The following PTPN14 variants were observed in gnomAD, a reference collection of about 807,000 sequenced individuals.
The protein encoded by PTPN14 is tyrosine-protein phosphatase non-receptor type 14.
In PTPN14, 53 loss-of-function variants were observed where a neutral mutation model predicts 126.8. The ratio of observed to expected loss-of-function variants is 0.42; its 90% CI spans 0.34 to 0.53. The LOEUF (loss-of-function observed/expected upper bound fraction) is 0.53. Among genes scored for constraint, PTPN14 ranks in the 20% least tolerant of loss-of-function variants. PTPN14 has a pLI of 0.08. For missense variants in PTPN14, 1,257 were observed against 1,552.9 expected (o/e 0.81, Z 3.20); for synonymous variants, 630 against 599.3 (o/e 1.05, Z -0.75).
intron 5 of PTPN14, among the ~76,000 whole-genome samples, chr1:214,410,241 C>T (rs1659271623): frequency 6.6e-6 from 1 of 151,662 alleles, no homozygotes. Context: ...TAGCTTTTCC[C>T]CCATGTTTTC....
chr1:214,379,236 C>G (rs537031577), intron 13 of PTPN14, among the ~76,000 whole-genome samples: 95 of 152,250 alleles, frequency 6.2e-4, no homozygotes, highest in African/African-American at 2.1e-3. Flanking sequence ...AGATGAAGAG[C>G]CATTGAATCC....
intron 1 of PTPN14, chr1:214,532,262 G>A: frequency 2.3e-6 from 1 of 438,492 alleles, no homozygotes; most frequent in East Asian, 4.8e-5. Flanking sequence ...CAGCCGCCCA[G>A]CTGGTCAACA....
Position 214,369,688 on chromosome 1 carries a change from C to A in PTPN14, c.3040G>T (p.Gly1014Cys). The A allele has an allele frequency of 6.2e-7, 1 of 1,613,510 alleles. No individual in the cohort carries two copies. Among genetic ancestry groups the A allele is most frequent in the Non-Finnish European group, 8.5e-7 (1 of 1,179,498 alleles). ...VIAMVTAEEE[G>C]GRTKSHRYWP... ...TATCGGTGGCTTTTGGTTCGTCCACCCTCCTAAATCACATATAAAAGCAAA... is the reference window on the plus strand; with the variant it reads ...TATCGGTGGCTTTTGGTTCGTCCACACTCCTAAATCACATATAAAAGCAAA... Residue 1014 changes from glycine to cysteine, a missense_variant, in exon 17 of 19, where the codon GGT becomes TGT. Around this residue, in one of 3 missense-constraint regions of PTPN14, gnomAD observed 171 missense variants for 229.8 expected, o/e 0.74. Coordinates refer to ENST00000366956, the MANE Select transcript of PTPN14 (RefSeq NM_005401.5).
chr1:214,449,513 T>A (rs926678270), intron 3 of PTPN14, among the ~76,000 whole-genome samples: 9 of 152,326 alleles, frequency 5.9e-5, no homozygotes, highest in African/African-American at 2.2e-4. Flanking sequence ...TCATCACTCA[T>A]TACCTTGCAC....
chr1:214,399,719 T>C (rs756801797), intron 7 of PTPN14, among the ~76,000 whole-genome samples: 16 of 152,188 alleles, frequency 1.1e-4, no homozygotes, highest in Non-Finnish European at 2.1e-4. Context: ...CCTTGTTCAC[T>C]CTTTTTAGAA....
chr1:214,479,434 G>A (rs1413895207), intron 1 of PTPN14, among the ~76,000 whole-genome samples: 1 of 150,658 alleles, frequency 6.6e-6, no homozygotes, highest in Non-Finnish European at 1.5e-5. Context: ...CTGCCTCCCA[G>A]GTTCAAACGA....
chr1:214,447,063 G>C (rs1323185058), intron 3 of PTPN14, among the ~76,000 whole-genome samples: 1 of 152,110 alleles, frequency 6.6e-6, no homozygotes, highest in Non-Finnish European at 1.5e-5. Flanking sequence ...GCAGATCCCA[G>C]GTGCTCTCAG....
chr1:214,478,829 A>G (rs992506081), intron 1 of PTPN14, among the ~76,000 whole-genome samples: 3 of 152,196 alleles, frequency 2.0e-5, no homozygotes, highest in African/African-American at 7.2e-5. Context: ...GGCTGGCTCC[A>G]AAGCTCAATC....
At chr1:214,511,046 G>A (rs1168557203) in intron 1 of PTPN14, among the ~76,000 whole-genome samples, 3 of 138,598 alleles carry the variant, frequency 2.2e-5, no homozygotes, top group Non-Finnish European at 3.0e-5. Context: ...GCCAAACTAA[G>A]TCTTTGGTTT....
intron 17 of PTPN14, 65 bp downstream of exon 17, chr1:214,369,392 A>T (rs940982561): frequency 1.3e-5 from 19 of 1,460,908 alleles, no homozygotes; most frequent in Admixed American, 5.1e-5. Context: ...CATCTCCAAC[A>T]GATGAATTAT....
intron 1 of PTPN14, chr1:214,533,476 G>A: frequency 4.3e-6 from 2 of 469,088 alleles, no homozygotes; most frequent in South Asian, 2.1e-5. Context: ...CATTAAGCCA[G>A]CAGAAGCAGG....
rs186924017 is a variant in PTPN14 at position 214,484,407 on chromosome 1, T to C, written c.-154-19450A>G. 6.2e-3 allele frequency among the ~76,000 whole-genome samples: 945 copies of C among 152,204 alleles called. 4 individuals are homozygous for C. The highest frequency in any genetic ancestry group is 9.6e-3 in the Non-Finnish European group (653 of 68,024). On this transcript the variant is annotated intron_variant, in intron 1 of 18. Coordinates refer to ENST00000366956, the MANE Select transcript of PTPN14 (RefSeq NM_005401.5). Reference sequence around the variant, plus strand: ...GCCTAGGTGACAGAGTGAGACCCTATCTCTTTAAAAAATAATAAATAAACA... The same window carrying C: ...GCCTAGGTGACAGAGTGAGACCCTACCTCTTTAAAAAATAATAAATAAACA...
At chr1:214,549,124 T>G (rs1656041158) in intron 1 of PTPN14, among the ~76,000 whole-genome samples, 1 of 152,128 alleles carries the variant, frequency 6.6e-6, no homozygotes, top group Admixed American at 6.5e-5. Flanking sequence ...AGTGTGTTCT[T>G]CCCACTCTGA....
chr1:214,383,124 A>G lies in PTPN14; in HGVS notation c.2544+187T>C, dbSNP rs750100753. On this transcript the variant is annotated intron_variant, in intron 13 of 18. Transcript: ENST00000366956. This position sits in a 1 kb window ranked among gnomAD's most constrained non-coding sequence, Gnocchi z 4.4. ...CCAAGTACACCTGTTAGAAGCCACA[A>G]ATGAGAATGGAAGATTTATCTGAAA... Among the ~76,000 whole-genome samples the G allele has an allele frequency of 6.6e-6, 1 of 152,248 alleles. No homozygotes were observed. The highest frequency in any genetic ancestry group is 1.5e-5 in the Non-Finnish European group (1 of 68,032).
chr1:214,391,645 C>T (rs891769888), intron 10 of PTPN14, among the ~76,000 whole-genome samples: 9 of 150,692 alleles, frequency 6.0e-5, no homozygotes, highest in African/African-American at 2.0e-4. Flanking sequence ...AAATCAAAGA[C>T]GCCTTCAAGC....
At chr1:214,493,620 G>C (rs1235191900) in intron 1 of PTPN14, among the ~76,000 whole-genome samples, 2 of 152,144 alleles carry the variant, frequency 1.3e-5, no homozygotes, top group African/African-American at 4.8e-5. Context: ...GATGGCGAGA[G>C]AGCAAAACAG....
chr1:214,372,765 C>T lies in PTPN14; in HGVS notation c.2982G>A (p.Trp994Ter). The change falls in exon 16 of 19, where the codon TGG (tryptophan) becomes TGA (stop). Residue 994 changes from tryptophan to a stop codon, truncating the protein, a stop_gained. Transcript: ENST00000366956. LOFTEE classifies it high-confidence loss of function. ...TCACTCCCTGCTCCCACACCATCTG[C>T]CAGAAGTCGTGGCACGTGTGTGGCA... ...GPLPHTCHDF[W>*]QMVWEQGVNV... 2 of 1,614,166 alleles carry T rather than the reference C, an allele frequency of 1.2e-6. No homozygotes were observed. The highest frequency in any genetic ancestry group is 1.7e-6 in the Non-Finnish European group (2 of 1,180,042).
Position 214,377,164 on chromosome 1 carries a change from G to C in PTPN14, c.2689-727C>G, listed in dbSNP as rs980430006. Among the ~76,000 whole-genome samples the C allele has an allele frequency of 2.0e-5, 3 of 152,178 alleles. No individual in the cohort carries two copies. The East Asian group carries it at 5.8e-4, about 29-fold the overall frequency. On this transcript the variant is annotated intron_variant, in intron 14 of 18. Transcript: ENST00000366956. ...CAGCCTCATTTTATGGTCATACGAG[G>C]GGACAGCATTTTTAAAGAACTCTAT...
rs202193414 is a variant in PTPN14, at chr1:214,464,597, G to A, written c.174+33C>T. The A allele has an allele frequency of 2.6e-4, 416 of 1,604,580 alleles. 4 individuals are homozygous for A. The South Asian group carries it at 4.1e-3, about 16-fold the overall frequency. ...CTTCACATACCCAACACGCATGCAC[G>A]CGCACATGCGCACACAGACACACCC... On this transcript the variant is annotated intron_variant, in intron 2 of 18. Transcript: ENST00000366956.
Sources: allele counts gnomAD v4.1 joint callset (sites outside exome capture counted in the v4.1 genomes callset), GRCh38; gene constraint gnomAD v4.1.1; regional missense constraint gnomAD v4.1.1; non-coding constraint Gnocchi (gnomAD v3.1); transcripts MANE v1.5; gene names NCBI Gene and HGNC (gene_info 2026-07-23, HGNC 2026-07-21).